Variants in BBX observed in about 807,000 individuals in gnomAD.
BBX encodes BBX high mobility group box domain containing, also known as HMG box transcription factor BBX.
Under a neutral mutation model 100.2 loss-of-function variants are expected in BBX, and 30 were observed. That is an observed-to-expected ratio of 0.30 (90% CI 0.22 to 0.41). BBX has a LOEUF of 0.41. BBX is among the 10% of genes least tolerant of loss of function. The probability of loss-of-function intolerance (pLI) is 1.00; values close to 1 mark genes in which losing one functional copy is unlikely to be tolerated. For synonymous variants in BBX, 376 were observed against 388.1 expected, an observed-to-expected ratio of 0.97 and a Z score of 0.37; for missense variants, 1,023 against 1,129.8, an observed-to-expected ratio of 0.91 and a Z score of 1.35.
At chr3:107,533,572 A>G (rs2048302362) in intron 2 of BBX, among the ~76,000 whole-genome samples, 1 of 152,214 alleles carries the variant, frequency 6.6e-6, no homozygotes, top group South Asian at 2.1e-4. Flanking sequence ...GGGTAAGGAA[A>G]GCTTAAACTC....
rs948220789 is a variant in BBX, at chr3:107,789,873, A to G, written c.2290A>G (p.Lys764Glu). Residue 764 changes from lysine (K) to glutamate (E), a missense_variant, in exon 14 of 18, where the codon AAA (lysine) becomes GAA (glutamate). Lys to Glu is a moderately conservative substitution (Grantham distance 56). Coordinates refer to ENST00000325805, the MANE Select transcript of BBX (RefSeq NM_001142568.3). ...HKKEKPNVPEKGSGDKWSNKQ... is the reference protein window; with the variant it reads ...HKKEKPNVPEEGSGDKWSNKQ... The stretch of plus-strand genomic sequence containing the variant: ...AAAGGAGAAGCCCAATGTTCCGGAA[A>G]AAGGTATTGGTGCCCTCCATCCTCC... 24 of 1,547,408 alleles carry G rather than the reference A, an allele frequency of 1.6e-5. 1 individual carries two copies. In the Middle Eastern group the frequency reaches 1.8e-3, roughly 118 times the overall value.
At chr3:107,769,241 GGATA>G (rs1553814745) in intron 10 of BBX, among the ~76,000 whole-genome samples, 40 of 139,120 alleles carry the variant, frequency 2.9e-4, no homozygotes, top group African/African-American at 6.4e-4. Context: ...CAGATAGATA[GGATA>G]GATAGATAAT....
intron 2 of BBX, among the ~76,000 whole-genome samples, chr3:107,535,330 G>T (rs1449320680): frequency 6.6e-6 from 1 of 151,994 alleles, no homozygotes. Context: ...GGAAAGTTAC[G>T]TGAAAAAGTC....
Position 107,663,840 on chromosome 3 carries a change from C to T in BBX, c.-10+17931C>T, listed in dbSNP as rs1213314802. Among the ~76,000 whole-genome samples the T allele has an allele frequency of 3.4e-5, 5 of 148,494 alleles. No homozygotes were observed. In the South Asian group the frequency reaches 6.4e-4, roughly 19 times the overall value. On this transcript the variant is annotated intron_variant, in intron 3 of 17. Transcript: ENST00000325805. ...TTTTTTTTTGAGATGGAGCCTCACG[C>T]TCTCGCCCAGGCTGGAGTGCAGTGA...
chr3:107,791,371 A>G (rs2069009085), intron 15 of BBX, 72 bp downstream of exon 15: 3 of 1,336,098 alleles, frequency 2.2e-6, no homozygotes, highest in Admixed American at 1.7e-5. Flanking sequence ...AGGTTTTTAA[A>G]AGGTATAATT....
chr3:107,567,299 A>G (rs972056168), intron 2 of BBX, among the ~76,000 whole-genome samples: 1 of 152,078 alleles, frequency 6.6e-6, no homozygotes, highest in African/African-American at 2.4e-5. Context: ...CCTAGCCTTC[A>G]TAGTATTACT....
At chr3:107,799,442 G>A (rs1412143634) in intron 16 of BBX, among the ~76,000 whole-genome samples, 2 of 152,116 alleles carry the variant, frequency 1.3e-5, no homozygotes, top group Non-Finnish European at 2.9e-5. Context: ...AGTTTTCCAA[G>A]AGCATATCTG....
At chr3:107,728,049 A>G (rs894221708) in intron 5 of BBX, among the ~76,000 whole-genome samples, 8 of 152,196 alleles carry the variant, frequency 5.3e-5, no homozygotes, top group African/African-American at 1.9e-4. Flanking sequence ...AGAAAAATGA[A>G]GGAGAAAGAT....
At chr3:107,683,917 A>G (rs561196339) in intron 3 of BBX, among the ~76,000 whole-genome samples, 3 of 152,298 alleles carry the variant, frequency 2.0e-5, no homozygotes, top group Admixed American at 6.5e-5. Context: ...TTTCTTACCC[A>G]GAAAGATTCT....
At chr3:107,667,189 C>T (rs2058797034) in intron 3 of BBX, among the ~76,000 whole-genome samples, 1 of 152,174 alleles carries the variant, frequency 6.6e-6, no homozygotes. Flanking sequence ...GGAGAAATTA[C>T]TGACATGAAA....
In BBX at chr3:107,612,741, A is replaced by C. The variant is rs145258856; in HGVS notation, c.-83-33095A>C. 8.6e-3 allele frequency among the ~76,000 whole-genome samples: 1,304 copies of C among 152,236 alleles called. 25 individuals carry two copies. Among genetic ancestry groups the C allele is most frequent in the African/African-American group, 0.03 (1,243 of 41,534 alleles). On this transcript the variant is annotated intron_variant, in intron 2 of 17. Coordinates refer to ENST00000325805, the MANE Select transcript of BBX (RefSeq NM_001142568.3). ...CTTGCCGAGGCCTGCTGTAACCACT[A>C]CTTGTCTACTGCCTATGTTTGCTCA...
chr3:107,736,912 A>G (rs1301502595), intron 7 of BBX, among the ~76,000 whole-genome samples: 2 of 152,142 alleles, frequency 1.3e-5, no homozygotes, highest in African/African-American at 4.8e-5. Flanking sequence ...GAAGGTATCA[A>G]TATCTGTGTA....
intron 2 of BBX, among the ~76,000 whole-genome samples, chr3:107,611,073 T>C (rs973721547): frequency 3.9e-5 from 6 of 152,138 alleles, no homozygotes; most frequent in Non-Finnish European, 7.4e-5. Context: ...TATTTTAAAC[T>C]GATAACTTAA....
chr3:107,626,569 G>T (rs1013927522), intron 2 of BBX, among the ~76,000 whole-genome samples: 20 of 152,118 alleles, frequency 1.3e-4, no homozygotes, highest in Admixed American at 1.0e-3. Flanking sequence ...TCACTTCAAG[G>T]TGGTTCACTC....
At chr3:107,523,463 A>G (rs1019146783) in intron 1 of BBX, 1 of 152,524 alleles carries the variant, frequency 6.6e-6, no homozygotes, top group Non-Finnish European at 1.5e-5. Flanking sequence ...CGGGCTGGGG[A>G]GTAGTAGGCC....
intron 4 of BBX, among the ~76,000 whole-genome samples, chr3:107,713,483 A>G (rs114568475): frequency 0.01 from 1,550 of 152,316 alleles, 18 homozygotes; most frequent in African/African-American, 0.035. Context: ...GAAAATATTA[A>G]TGAGCTCCTG....
chr3:107,716,654 T>G lies in BBX; in HGVS notation c.210T>G (p.Thr70=). 1.2e-6 allele frequency: 2 copies of G among 1,613,820 alleles called. No homozygotes were observed. The highest frequency in any genetic ancestry group is 1.7e-6 in the Non-Finnish European group (2 of 1,179,786). The stretch of plus-strand genomic sequence containing the variant: ...GCCTAGAGCAAGATGTTGGTGAAAC[T>G]GAAGATGATGAATCACCAGAGCAGC... ...ADGLEQDVGE[T]EDDESPEQRA... The change falls in exon 5 of 18, where the codon ACT becomes ACG. Residue 70 remains threonine, a synonymous_variant. Coordinates refer to ENST00000325805, the MANE Select transcript of BBX (RefSeq NM_001142568.3).
chr3:107,714,706 A>G (rs1458768513), intron 4 of BBX, among the ~76,000 whole-genome samples: 3 of 152,204 alleles, frequency 2.0e-5, no homozygotes, highest in Non-Finnish European at 2.9e-5. Context: ...TTAGATGGCT[A>G]TGACCTCAAG....
In BBX at chr3:107,809,638, C is replaced by CAG. The variant is rs2071212901; in HGVS notation, c.*4182_*4183insGA. ...ATTTTCCACTGCAGTGTTTTGACTT[C>CAG]ACAAACTGCCTCCTCCAGAGAGAAC... On this transcript the variant is annotated 3_prime_UTR_variant, in exon 18 of 18. Transcript: ENST00000325805. 6.6e-6 allele frequency: 1 copy of CAG among 152,330 alleles called. No homozygotes were observed. Among genetic ancestry groups the CAG allele is most frequent in the East Asian group, 1.9e-4 (1 of 5,192 alleles). 9.4% of individuals were successfully genotyped at this position (152,330 alleles called of 1,614,324 possible). A position where few individuals can be genotyped will look rare whatever the true frequency, so the allele number is the denominator to read the frequency against.
Sources: allele counts gnomAD v4.1 joint callset (sites outside exome capture counted in the v4.1 genomes callset), GRCh38; gene constraint gnomAD v4.1.1; transcripts MANE v1.5; gene names NCBI Gene and HGNC (gene_info 2026-07-23, HGNC 2026-07-21).